The following RSPO2 variants were observed in gnomAD, a reference collection of about 807,000 sequenced individuals.
The protein encoded by RSPO2 is R-spondin 2, also known as R-spondin-2.
In RSPO2, 14 loss-of-function variants were observed where a neutral mutation model predicts 30.9. The observed-to-expected ratio is 0.45, with a 90% CI of 0.30 to 0.71. The LOEUF is 0.71. Ranked by LOEUF, RSPO2 falls within the 30% of genes least tolerant of loss-of-function variation. The pLI is 0.08. For synonymous variants in RSPO2, 107 were observed against 96.4 expected, an observed-to-expected ratio of 1.11 and a Z score of -0.64; for missense variants, 264 against 301.9, an observed-to-expected ratio of 0.87 and a Z score of 0.93.
chr8:107,963,175 C>T (rs934222066), intron 3 of RSPO2, among the ~76,000 whole-genome samples: 2 of 151,286 alleles, frequency 1.3e-5, no homozygotes, highest in Admixed American at 6.6e-5. Flanking sequence ...AAACTATAAC[C>T]ATTTAAAAGT....
intron 2 of RSPO2, among the ~76,000 whole-genome samples, chr8:108,024,736 T>C (rs936730630): frequency 6.6e-6 from 1 of 152,176 alleles, no homozygotes; most frequent in Non-Finnish European, 1.5e-5. Context: ...ACAACAAGGA[T>C]AGGCTGGGCA....
In RSPO2 at chr8:108,018,820, C is replaced by G. The variant is rs1046083663; in HGVS notation, c.95-29576G>C. On this transcript the variant is annotated intron_variant, in intron 2 of 5. Transcript: ENST00000276659. ...GCCAGTACTCCGAATTTCATATCTTCAAGATCTTTTAGTGAATTTGGCCTT... is the reference window on the plus strand; with the variant it reads ...GCCAGTACTCCGAATTTCATATCTTGAAGATCTTTTAGTGAATTTGGCCTT... Among the ~76,000 whole-genome samples the G allele has an allele frequency of 3.3e-5, 5 of 152,152 alleles. No homozygotes were observed. The South Asian group carries it at 8.3e-4, about 25-fold the overall frequency.
chr8:108,059,768 C>T (rs1812387846), intron 2 of RSPO2, among the ~76,000 whole-genome samples: 1 of 147,554 alleles, frequency 6.8e-6, no homozygotes. Context: ...AACCAAACAC[C>T]ACACATTCTC....
intron 2 of RSPO2, among the ~76,000 whole-genome samples, chr8:107,996,447 TC>T (rs970422126): frequency 5.3e-5 from 8 of 152,136 alleles, no homozygotes; most frequent in Non-Finnish European, 1.5e-5. Context: ...GAACTTCTGC[TC>T]TAGAATTTAT....
At chr8:107,984,322 T>C (rs1586601556) in intron 3 of RSPO2, among the ~76,000 whole-genome samples, 1 of 152,366 alleles carries the variant, frequency 6.6e-6, no homozygotes, top group Admixed American at 6.5e-5. Context: ...TAATCTATAA[T>C]GCCATAAATG....
intron 2 of RSPO2, among the ~76,000 whole-genome samples, chr8:108,024,514 C>T (rs1352785888): frequency 6.7e-6 from 1 of 150,074 alleles, no homozygotes; most frequent in Non-Finnish European, 1.5e-5. Context: ...ATAAAATATA[C>T]ACATCTATTA....
intron 3 of RSPO2, among the ~76,000 whole-genome samples, chr8:107,979,719 C>G (rs1350294916): frequency 6.6e-6 from 1 of 151,928 alleles, no homozygotes; most frequent in Non-Finnish European, 1.5e-5. Context: ...GAGGTCTCTT[C>G]CCTCTCTTAC....
chr8:107,983,108 C>T, intron 3 of RSPO2: 2 of 1,422,414 alleles, frequency 1.4e-6, no homozygotes, highest in South Asian at 1.4e-5. Flanking sequence ...GCCGCTTACC[C>T]CAGGGTCTAT....
intron 3 of RSPO2, chr8:107,983,837 A>C: frequency 6.2e-7 from 1 of 1,601,402 alleles, no homozygotes. Flanking sequence ...CAGCCTCCTC[A>C]ACCTGGCAGA....
At chr8:107,982,662 T>G (rs1339554016) in intron 3 of RSPO2, among the ~76,000 whole-genome samples, 1 of 152,130 alleles carries the variant, frequency 6.6e-6, no homozygotes, top group Non-Finnish European at 1.5e-5. Context: ...TATGACTCCA[T>G]GTACTCCCCA....
chr8:107,970,222 C>CA (rs1813947911), intron 3 of RSPO2, among the ~76,000 whole-genome samples: 1 of 152,088 alleles, frequency 6.6e-6, no homozygotes, highest in South Asian at 2.1e-4. Flanking sequence ...GGATGTTTTC[C>CA]AAAAAAACTT....
chr8:107,926,721 G>T (rs1098814), intron 5 of RSPO2, among the ~76,000 whole-genome samples: 100,899 of 151,874 alleles, frequency 0.66, 35,529 homozygotes, highest in East Asian at 0.9. Context: ...CGTGGTATTA[G>T]TTCTGAGGGC....
intron 2 of RSPO2, among the ~76,000 whole-genome samples, chr8:108,065,032 G>A (rs1324288642): frequency 6.6e-6 from 1 of 151,952 alleles, no homozygotes; most frequent in African/African-American, 2.4e-5. Context: ...GGGGTGGGGA[G>A]AAGGGGGAGG....
At chr8:108,054,877 C>G (rs2514846) in intron 2 of RSPO2, among the ~76,000 whole-genome samples, 75,585 of 151,968 alleles carry the variant, frequency 0.5, 18,777 homozygotes, top group African/African-American at 0.54. Context: ...ACTTTGGAAG[C>G]CTGGGGTGGG....
intron 5 of RSPO2, among the ~76,000 whole-genome samples, chr8:107,939,984 A>T (rs1169979724): frequency 6.6e-6 from 1 of 152,132 alleles, no homozygotes; most frequent in Admixed American, 6.6e-5. Flanking sequence ...ATGCCCTATA[A>T]GTCAGCAGAG....
intron 2 of RSPO2, among the ~76,000 whole-genome samples, chr8:108,036,786 T>A (rs1196007132): frequency 6.6e-6 from 1 of 152,220 alleles, no homozygotes. Context: ...GCTCCCTTCT[T>A]CTGTCACATT....
At chr8:108,067,318 AT>A (rs1460974316) in intron 2 of RSPO2, among the ~76,000 whole-genome samples, 1 of 152,204 alleles carries the variant, frequency 6.6e-6, no homozygotes, top group Non-Finnish European at 1.5e-5. Context: ...GAAATAACGA[AT>A]TTTGTCAGGT....
At chr8:108,058,696 T>C (rs1421184395) in intron 2 of RSPO2, among the ~76,000 whole-genome samples, 16 of 151,208 alleles carry the variant, frequency 1.1e-4, no homozygotes, top group South Asian at 2.1e-4. Flanking sequence ...TAATGCCACA[T>C]ATTTACAACT....
At chr8:107,902,699 G>A (rs1490312791) in intron 5 of RSPO2, among the ~76,000 whole-genome samples, 2 of 152,020 alleles carry the variant, frequency 1.3e-5, no homozygotes, top group Non-Finnish European at 2.9e-5. Flanking sequence ...CAAGACCCTA[G>A]CACAGTGACT....
Sources: allele counts gnomAD v4.1 joint callset (sites outside exome capture counted in the v4.1 genomes callset), GRCh38; gene constraint gnomAD v4.1.1; transcripts MANE v1.5; gene names NCBI Gene and HGNC (gene_info 2026-07-23, HGNC 2026-07-21).